Variants in MAST2 observed in about 807,000 individuals in gnomAD.
The protein encoded by MAST2 is microtubule associated serine/threonine kinase 2, also known as microtubule-associated serine/threonine-protein kinase 2.
A neutral mutation model predicts 147.4 loss-of-function variants in MAST2; 70 were observed. That is an observed-to-expected ratio of 0.47 (90% CI 0.39 to 0.58). MAST2 has a LOEUF of 0.58. Among genes scored for constraint, MAST2 ranks in the 20% least tolerant of loss-of-function variants. MAST2 has a pLI of 0.00. For synonymous variants in MAST2, 869 were observed against 896.8 expected (o/e 0.97, Z 0.55); for missense variants, 2,080 against 2,302.3 (o/e 0.90, Z 1.98).
chr1:45,841,272 G>C (rs1299224300), intron 3 of MAST2, among the ~76,000 whole-genome samples: 1 of 151,892 alleles, frequency 6.6e-6, no homozygotes, highest in East Asian at 1.9e-4. Flanking sequence ...TCTGTTTTTT[G>C]TTCAATTAAG....
intron 3 of MAST2, among the ~76,000 whole-genome samples, chr1:45,877,567 C>T (rs1309117117): frequency 6.6e-6 from 1 of 152,104 alleles, no homozygotes; most frequent in African/African-American, 2.4e-5. Flanking sequence ...AGTATGAAGT[C>T]AAAATTGGAC....
At chr1:45,907,536 CAG>C (rs1650970962) in intron 4 of MAST2, among the ~76,000 whole-genome samples, 1 of 150,582 alleles carries the variant, frequency 6.6e-6, no homozygotes, top group Non-Finnish European at 1.5e-5. Context: ...CAGCTCACTG[CAG>C]CCTCTGCCTC....
intron 1 of MAST2, among the ~76,000 whole-genome samples, chr1:45,817,740 G>A (rs903377100): frequency 1.3e-5 from 2 of 152,184 alleles, no homozygotes; most frequent in African/African-American, 4.8e-5. Flanking sequence ...AAGATGAATT[G>A]ATCAAGAATA....
chr1:46,003,554 A>C lies in MAST2; in HGVS notation c.747+671A>C, dbSNP rs182031544. Among the ~76,000 whole-genome samples the C allele has an allele frequency of 4.5e-4, 68 of 151,710 alleles. No individual in the cohort carries two copies. The East Asian group carries it at 0.013, about 29-fold the overall frequency. ...GCAATCACGGCTCGCTGCAGCTTCA[A>C]CCTCCCCAGGCTCAGATGATCCTCC... On this transcript the variant is annotated intron_variant, in intron 7 of 28. Transcript: ENST00000361297.
rs369604450 is a variant in MAST2 at position 46,023,012 on chromosome 1, C to A, written c.1485+41C>A. On this transcript the variant is annotated intron_variant, in intron 13 of 28. Transcript: ENST00000361297. This position sits in a 1 kb window ranked among gnomAD's most constrained non-coding sequence, Gnocchi z 4.9. ...TCCTACCCCATTCCTGGAGCCTGGG[C>A]CCTATGAAGCAAAGAGCTATGAATT... is the stretch of plus-strand genomic sequence containing the variant. 8 of 1,562,656 alleles carry A rather than the reference C, an allele frequency of 5.1e-6. No individual in the cohort carries two copies. The African/African-American group carries it at 9.5e-5, about 19-fold the overall frequency.
chr1:45,930,011 T>G (rs1220206355), intron 4 of MAST2, among the ~76,000 whole-genome samples: 1 of 152,192 alleles, frequency 6.6e-6, no homozygotes, highest in Admixed American at 6.5e-5. Context: ...GCTTTTGAAT[T>G]TTTGCTAATC....
intron 3 of MAST2, among the ~76,000 whole-genome samples, chr1:45,848,831 C>G (rs539498575): frequency 6.6e-6 from 1 of 151,980 alleles, no homozygotes; most frequent in Non-Finnish European, 1.5e-5. Context: ...TGTAGAAAAC[C>G]CCATCATCTT....
At chr1:45,988,735 T>G (rs970233648) in intron 5 of MAST2, among the ~76,000 whole-genome samples, 2 of 152,218 alleles carry the variant, frequency 1.3e-5, no homozygotes, top group African/African-American at 4.8e-5. Flanking sequence ...TACTTTAGTT[T>G]TTTTGCTTAA....
At chr1:45,934,999 CTAAT>C (rs1655970673) in intron 4 of MAST2, among the ~76,000 whole-genome samples, 1 of 152,252 alleles carries the variant, frequency 6.6e-6, no homozygotes, top group Non-Finnish European at 1.5e-5. Flanking sequence ...AGAGGCTGAA[CTAAT>C]TTACAATTCC....
intron 4 of MAST2, among the ~76,000 whole-genome samples, chr1:45,890,411 G>A (rs1557872979): frequency 6.6e-6 from 1 of 152,172 alleles, no homozygotes; most frequent in African/African-American, 2.4e-5. Flanking sequence ...TCTCTTCCTG[G>A]CTTGCAGAGA....
intron 5 of MAST2, among the ~76,000 whole-genome samples, chr1:45,982,731 C>G (rs972181111): frequency 6.6e-6 from 1 of 152,190 alleles, no homozygotes; most frequent in Non-Finnish European, 1.5e-5. Context: ...ACTCCCTGAA[C>G]TTGCAGCTAG....
In MAST2 at chr1:46,010,935, A is replaced by G; in HGVS notation, c.1184A>G (p.Gln395Arg). The stretch of plus-strand genomic sequence containing the variant: ...CAAGATAATTTGGAGAAACTTTTAC[A>G]AGATGTGAGTGTCCTTGTGCTGGGG... Reference protein sequence around the residue: ...ELQDNLEKLLQDAHERSESSE... With the variant: ...ELQDNLEKLLRDAHERSESSE... The change falls in exon 10 of 29, where the codon CAA becomes CGA. Residue 395 changes from glutamine to arginine, a missense_variant. Transcript: ENST00000361297. 6.2e-7 allele frequency: 1 copy of G among 1,613,344 alleles called. No homozygotes were observed. Among genetic ancestry groups the G allele is most frequent in the Non-Finnish European group, 8.5e-7 (1 of 1,179,294 alleles).
At chr1:45,829,148 T>G (rs1644879301) in intron 2 of MAST2, among the ~76,000 whole-genome samples, 1 of 152,142 alleles carries the variant, frequency 6.6e-6, no homozygotes, top group Non-Finnish European at 1.5e-5. Flanking sequence ...ATTGGAAAAC[T>G]CCTAGACTGC....
intron 4 of MAST2, among the ~76,000 whole-genome samples, chr1:45,934,764 G>T (rs909387132): frequency 6.6e-6 from 1 of 152,182 alleles, no homozygotes; most frequent in Non-Finnish European, 1.5e-5. Context: ...TCTGTGGTAT[G>T]TGTATATGTA....
At chr1:45,892,320 A>G (rs1647941921) in intron 4 of MAST2, among the ~76,000 whole-genome samples, 1 of 152,230 alleles carries the variant, frequency 6.6e-6, no homozygotes, top group African/African-American at 2.4e-5. Flanking sequence ...GTTTCATTTT[A>G]CAAGAGCAAA....
At chr1:45,856,630 G>T (rs1380945445) in intron 3 of MAST2, among the ~76,000 whole-genome samples, 1 of 152,154 alleles carries the variant, frequency 6.6e-6, no homozygotes, top group Non-Finnish European at 1.5e-5. Flanking sequence ...CTTTTGAAAA[G>T]ATACCATTAT....
intron 5 of MAST2, among the ~76,000 whole-genome samples, chr1:45,971,175 C>T (rs2148990924): frequency 6.6e-6 from 1 of 152,240 alleles, no homozygotes; most frequent in Non-Finnish European, 1.5e-5. Context: ...GTTGTAGTTG[C>T]AGCCCACTGG....
chr1:45,895,747 C>T (rs1648626108), intron 4 of MAST2, among the ~76,000 whole-genome samples: 2 of 152,110 alleles, frequency 1.3e-5, no homozygotes, highest in South Asian at 4.1e-4. Flanking sequence ...AGCATATCAT[C>T]AAAGAGAGAA....
intron 3 of MAST2, among the ~76,000 whole-genome samples, chr1:45,857,894 A>G (rs1431943684): frequency 1.5e-5 from 2 of 130,986 alleles, no homozygotes; most frequent in Non-Finnish European, 3.1e-5. Flanking sequence ...TAGTTTGCTA[A>G]GGATGATGGT....
Sources: allele counts gnomAD v4.1 joint callset (sites outside exome capture counted in the v4.1 genomes callset), GRCh38; gene constraint gnomAD v4.1.1; non-coding constraint Gnocchi (gnomAD v3.1); transcripts MANE v1.5; gene names NCBI Gene and HGNC (gene_info 2026-07-23, HGNC 2026-07-21).